The following ISOC2 variants were observed in gnomAD, a reference collection of about 807,000 sequenced individuals.
ISOC2 encodes isochorismatase domain containing 2.
In ISOC2, 15 loss-of-function variants were observed where a neutral mutation model predicts 19.3. The observed-to-expected ratio is 0.78, with a 90% CI of 0.52 to 1.20. The LOEUF is 1.20. Among genes scored for constraint, ISOC2 ranks in the 50% most tolerant of loss-of-function variants. ISOC2 has a pLI of 0.00. For synonymous variants in ISOC2, 106 were observed against 115.8 expected (o/e 0.92, Z 0.54); for missense variants, 285 against 272.4 (o/e 1.05, Z -0.33).
rs929516532 is a variant in ISOC2, at chr19:55,455,346, G to C, written c.349-16C>G. 6.2e-7 allele frequency: 1 copy of C among 1,614,006 alleles called. No homozygotes were observed. The highest frequency in any genetic ancestry group is 8.5e-7 in the Non-Finnish European group (1 of 1,179,996). On this transcript the variant is annotated splice_polypyrimidine_tract_variant and intron_variant, in intron 3 of 5. Transcript: ENST00000425675. Reference sequence around the variant, plus strand: ...GGGTCGTGTTCTGTGGGTAGAGAGAGGTCAGGGCCAACCCCGGATAAGAAC... The same window carrying C: ...GGGTCGTGTTCTGTGGGTAGAGAGACGTCAGGGCCAACCCCGGATAAGAAC...
chr19:55,456,349 C>G lies in ISOC2; in HGVS notation c.138G>C (p.Lys46Asn). The G allele has an allele frequency of 6.2e-7, 1 of 1,613,782 alleles. No individual in the cohort carries two copies. The highest frequency in any genetic ancestry group is 8.5e-7 in the Non-Finnish European group (1 of 1,179,802). ...TGAGGGTGGGGGGCTGAGGTCATAC[C>G]TTGAGCATGCGGGCAGCCACTGAGA... ...QIVSVAARMLKVARLLEVPVM... is the reference protein window; with the variant it reads ...QIVSVAARMLNVARLLEVPVM... The change falls in exon 2 of 6, where the codon AAG becomes AAC. Residue 46 changes from lysine to asparagine, a missense_variant and splice_region_variant. Coordinates refer to ENST00000425675, the MANE Select transcript of ISOC2 (RefSeq NM_001136201.2).
chr19:55,455,751 C>G lies in ISOC2; in HGVS notation c.233G>C (p.Arg78Pro). 1.3e-6 allele frequency: 2 copies of G among 1,594,108 alleles called. No individual in the cohort carries two copies. The highest frequency in any genetic ancestry group is 1.7e-6 in the Non-Finnish European group (2 of 1,171,064). ...GCTGAAGCAGGTCTTGGCCAGCGGC[C>G]GAAGGCCCTCAGTCCCCAGCTCGGG... is the stretch of plus-strand genomic sequence containing the variant. Reference protein sequence around the residue: ...TVPELGTEGLRPLAKTCFSMV... With the variant: ...TVPELGTEGLPPLAKTCFSMV... Residue 78 changes from arginine to proline, a missense_variant, in exon 3 of 6, where the codon CGG becomes CCG. Coordinates refer to ENST00000425675, the MANE Select transcript of ISOC2 (RefSeq NM_001136201.2).
intron 3 of ISOC2, 61 bp from the exon 4 acceptor site, chr19:55,455,391 T>G (rs373499892): frequency 4.4e-6 from 7 of 1,597,892 alleles, no homozygotes; most frequent in Non-Finnish European, 6.0e-6. Context: ...GGGTAAGGAA[T>G]TGGGGATGGT....
chr19:55,455,761 C>G lies in ISOC2; in HGVS notation c.223G>C (p.Glu75Gln). The change falls in exon 3 of 6, where the codon GAG becomes CAG. Residue 75 changes from glutamate to glutamine, a missense_variant. By Grantham distance (29) the Glu-to-Gln change is conservative. Coordinates refer to ENST00000425675, the MANE Select transcript of ISOC2 (RefSeq NM_001136201.2). The part of the protein sequence containing the change: ...LGPTVPELGT[E>Q]GLRPLAKTCF... ...GTCTTGGCCAGCGGCCGAAGGCCCTCAGTCCCCAGCTCGGGCACCGTGGGG... is the reference window on the plus strand; with the variant it reads ...GTCTTGGCCAGCGGCCGAAGGCCCTGAGTCCCCAGCTCGGGCACCGTGGGG... The G allele has an allele frequency of 1.3e-6, 2 of 1,587,440 alleles. No homozygotes were observed. Among genetic ancestry groups the G allele is most frequent in the East Asian group, 2.3e-5 (1 of 43,908 alleles).
At chr19:55,459,252 A>G (rs576904821) in intron 1 of ISOC2, among the ~76,000 whole-genome samples, 2 of 152,218 alleles carry the variant, frequency 1.3e-5, no homozygotes, top group Non-Finnish European at 2.9e-5. Flanking sequence ...TTCTTTGAAC[A>G]TAATCCATCT....
chr19:55,456,698 C>T (rs1182585183), intron 1 of ISOC2, among the ~76,000 whole-genome samples: 1 of 152,164 alleles, frequency 6.6e-6, no homozygotes. Context: ...GAGGTGACTT[C>T]CTTGGGAAGC....
chr19:55,456,530 T>A (rs762927815), intron 1 of ISOC2, 41 bp from the exon 2 acceptor site: 3 of 1,605,758 alleles, frequency 1.9e-6, no homozygotes, highest in Non-Finnish European at 2.6e-6. Flanking sequence ...GCCCGAGGGC[T>A]CCTCTCAGTG....
In ISOC2 at chr19:55,456,498, G is replaced by A; in HGVS notation, c.-3-9C>T. On this transcript the variant is annotated splice_polypyrimidine_tract_variant and intron_variant, in intron 1 of 5. Coordinates refer to ENST00000425675, the MANE Select transcript of ISOC2 (RefSeq NM_001136201.2). ...CTGGCAGCCGCCATTTTCTGGGGGT[G>A]GGCAGAGGGACGGTGGGTCAGGCCC... 6.2e-7 allele frequency: 1 copy of A among 1,613,364 alleles called. No individual in the cohort carries two copies. The highest frequency in any genetic ancestry group is 8.5e-7 in the Non-Finnish European group (1 of 1,179,628).
intron 1 of ISOC2, among the ~76,000 whole-genome samples, chr19:55,456,859 C>G (rs972347849): frequency 6.6e-6 from 1 of 152,084 alleles, no homozygotes; most frequent in South Asian, 2.1e-4. Flanking sequence ...CTATCAGTCC[C>G]GGTTACCATC....
chr19:55,455,624 T>C lies in ISOC2; in HGVS notation c.348+12A>G. The C allele has an allele frequency of 6.4e-7, 1 of 1,571,336 alleles. No individual in the cohort carries two copies. Among genetic ancestry groups the C allele is most frequent in the Non-Finnish European group, 8.7e-7 (1 of 1,153,212 alleles). Reference sequence around the variant, plus strand: ...TAGAACGAGGGACCCCTGGGGTCAGTCAGCATCTCACCAAGATGCAGGCCT... The same window carrying C: ...TAGAACGAGGGACCCCTGGGGTCAGCCAGCATCTCACCAAGATGCAGGCCT... On this transcript the variant is annotated intron_variant, in intron 3 of 5. Coordinates refer to ENST00000425675, the MANE Select transcript of ISOC2 (RefSeq NM_001136201.2).
intron 1 of ISOC2, among the ~76,000 whole-genome samples, chr19:55,460,722 C>T (rs1231452681): frequency 6.6e-6 from 1 of 152,218 alleles, no homozygotes; most frequent in East Asian, 1.9e-4. Context: ...TATTTGCAAA[C>T]CGTTCGATTT....
At position 55,455,665 on chromosome 19, in the gene ISOC2, A is replaced by G. The variant is rs1247237192; in HGVS notation, c.319T>C (p.Cys107Arg). 1 of 1,602,736 alleles carries G rather than the reference A, an allele frequency of 6.2e-7. No homozygotes were observed. The highest frequency in any genetic ancestry group is 1.7e-5 in the Admixed American group (1 of 59,372). Residue 107 changes from cysteine to arginine, a missense_variant, in exon 3 of 6, where the codon TGT (cysteine) becomes CGT (arginine). By Grantham distance (180) the Cys-to-Arg change is radical. Coordinates refer to ENST00000425675, the MANE Select transcript of ISOC2 (RefSeq NM_001136201.2). ...ATGCAGGCCTGTGCCTCAATGCCAC[A>G]GAGCAGCACAGAGCGCAGCTGGGGC... is the stretch of plus-strand genomic sequence containing the variant. The part of the protein sequence containing the change: ...SRPQLRSVLL[C>R]GIEAQACILN...
chr19:55,456,172 C>T (rs1408798642), intron 2 of ISOC2, 177 bp downstream of exon 2: 1 of 588,462 alleles, frequency 1.7e-6, no homozygotes, highest in African/African-American at 2.0e-5. Flanking sequence ...GGGTGGAGGG[C>T]TGAGCCTGGA....
In ISOC2 at chr19:55,455,325, C is replaced by T. The variant is rs767043339; in HGVS notation, c.354G>A (p.Thr118=). The T allele has an allele frequency of 2.0e-5, 33 of 1,613,908 alleles. No individual in the cohort carries two copies. The highest frequency in any genetic ancestry group is 5.5e-5 in the South Asian group (5 of 91,044). The change falls in exon 4 of 6, where the codon ACG becomes ACA. Residue 118 remains threonine (T), a synonymous_variant. Transcript: ENST00000425675. ...GIEAQACILN[T]TLDLLDRGLQ... is the part of the protein sequence containing the mutation. ...GCCCCCGGTCTAGGAGGTCCAGGGTCGTGTTCTGTGGGTAGAGAGAGGTCA... is the reference window on the plus strand; with the variant it reads ...GCCCCCGGTCTAGGAGGTCCAGGGTTGTGTTCTGTGGGTAGAGAGAGGTCA...
rs371118739 is a variant in ISOC2 at position 55,455,821 on chromosome 19, C to G, written c.163G>C (p.Val55Leu). 3 of 1,546,954 alleles carry G rather than the reference C, an allele frequency of 1.9e-6. No homozygotes were observed. The African/African-American group carries it at 4.1e-5, about 21-fold the overall frequency. ...LKVARLLEVP[V>L]MLTEQYPQGL... ...TGTGGGTACTGCTCCGTCAGCATGA[C>G]TGGCACCTCAAGCAGCCGGGCCACC... The change falls in exon 3 of 6, where the codon GTC (valine) becomes CTC (leucine). Residue 55 changes from valine to leucine, a missense_variant. Transcript: ENST00000425675.
chr19:55,456,788 C>T lies in ISOC2; in HGVS notation c.-3-299G>A, dbSNP rs1162028738. Among the ~76,000 whole-genome samples the T allele has an allele frequency of 2.6e-5, 4 of 152,144 alleles. No homozygotes were observed. In the East Asian group the frequency reaches 5.8e-4, roughly 22 times the overall value. ...TCTCCTTGCTGAGGACTGTGCACAA[C>T]GTCAAGGAGTGCTTCATGATCCCGG... On this transcript the variant is annotated intron_variant, in intron 1 of 5. Coordinates refer to ENST00000425675, the MANE Select transcript of ISOC2 (RefSeq NM_001136201.2).
chr19:55,460,979 G>T (rs1022412483), intron 1 of ISOC2, among the ~76,000 whole-genome samples: 11 of 152,164 alleles, frequency 7.2e-5, no homozygotes, highest in African/African-American at 2.7e-4. Flanking sequence ...GGATCCCGGG[G>T]AGGGGAACTG....
At chr19:55,461,457 C>T (rs1233514701) in intron 1 of ISOC2, 55 bp downstream of exon 1, 1 of 152,306 alleles carries the variant, frequency 6.6e-6, no homozygotes, top group East Asian at 1.9e-4. Context: ...GTTTCCCCAT[C>T]TGCTAGGCGG....
At chr19:55,459,135 C>T (rs552715263) in intron 1 of ISOC2, among the ~76,000 whole-genome samples, 1 of 152,084 alleles carries the variant, frequency 6.6e-6, no homozygotes, top group African/African-American at 2.4e-5. Flanking sequence ...CAGGGTCTTC[C>T]TATGTTGCCC....
Sources: allele counts gnomAD v4.1 joint callset (sites outside exome capture counted in the v4.1 genomes callset), GRCh38; gene constraint gnomAD v4.1.1; transcripts MANE v1.5; gene names NCBI Gene and HGNC (gene_info 2026-07-23, HGNC 2026-07-21).